GALNTL6: variants seen among roughly 807,000 people sequenced by gnomAD.
GALNTL6 encodes the protein polypeptide N-acetylgalactosaminyltransferase like 6, also known as polypeptide N-acetylgalactosaminyltransferase-like 6.
Under a neutral mutation model 73.7 loss-of-function variants are expected in GALNTL6, and 46 were observed. The observed-to-expected ratio is 0.62, with a 90% CI of 0.49 to 0.80. The LOEUF is 0.80. Among genes scored for constraint, GALNTL6 ranks in the 30% least tolerant of loss-of-function variants. The pLI, the probability that GALNTL6 is intolerant of heterozygous loss-of-function variation, is 0.00. For synonymous variants in GALNTL6, 259 were observed against 263.7 expected, an observed-to-expected ratio of 0.98 and a Z score of 0.17; for missense variants, 604 against 755.0, an observed-to-expected ratio of 0.80 and a Z score of 2.34.
At chr4:171,961,499 A>G (rs1472836312) in intron 2 of GALNTL6, among the ~76,000 whole-genome samples, 2 of 152,216 alleles carry the variant, frequency 1.3e-5, no homozygotes, top group African/African-American at 4.8e-5. Context: ...CCAATTAAAA[A>G]AACCCTACGT....
At chr4:171,958,021 C>T (rs538058442) in intron 2 of GALNTL6, among the ~76,000 whole-genome samples, 1 of 152,068 alleles carries the variant, frequency 6.6e-6, no homozygotes, top group African/African-American at 2.4e-5. Context: ...AGAAAAGCAC[C>T]TTTGTGTAAG....
chr4:172,623,559 A>C (rs1163541414), intron 5 of GALNTL6, among the ~76,000 whole-genome samples: 1 of 152,152 alleles, frequency 6.6e-6, no homozygotes, highest in Non-Finnish European at 1.5e-5. Flanking sequence ...TAAGGTACCT[A>C]CTAAAAAGAA....
chr4:172,072,778 C>T (rs969168267), intron 2 of GALNTL6, among the ~76,000 whole-genome samples: 1 of 152,174 alleles, frequency 6.6e-6, no homozygotes, highest in Admixed American at 6.5e-5. Context: ...TTAGCCCAAG[C>T]CTGCATAATT....
chr4:172,938,991 A>T (rs1473778591), intron 9 of GALNTL6, among the ~76,000 whole-genome samples: 1 of 152,204 alleles, frequency 6.6e-6, no homozygotes, highest in Non-Finnish European at 1.5e-5. Context: ...TTCTCTCCTG[A>T]CTTGGTCACA....
In GALNTL6 at chr4:172,840,689, A is replaced by G. The variant is rs73871879; in HGVS notation, c.923+26966A>G. Reference sequence around the variant, plus strand: ...TATACAGAAATGCCAATGACACACAATATATAGATGTTTGAAATGGCACAA... The same window carrying G: ...TATACAGAAATGCCAATGACACACAGTATATAGATGTTTGAAATGGCACAA... On this transcript the variant is annotated intron_variant, in intron 7 of 12. Transcript: ENST00000506823. Among the ~76,000 whole-genome samples, 759 of 152,304 alleles carry G rather than the reference A, an allele frequency of 5.0e-3. 8 individuals are homozygous for G. Among genetic ancestry groups the G allele is most frequent in the African/African-American group, 0.018 (732 of 41,564 alleles).
In GALNTL6 at chr4:172,690,654, CAT is replaced by C. The variant is rs1205258176; in HGVS notation, c.554-118706_554-118705del. ...ACATCACATTATAGTGGATTACTCT[CAT>C]GTACTTCCTTAGACGGAAAAGTGAC... On this transcript the variant is annotated intron_variant, in intron 5 of 12. Coordinates refer to ENST00000506823, the MANE Select transcript of GALNTL6 (RefSeq NM_001034845.3). 3.3e-5 allele frequency among the ~76,000 whole-genome samples: 5 copies of C among 152,288 alleles called. No homozygotes were observed. The East Asian group carries it at 9.6e-4, about 29-fold the overall frequency.
At chr4:172,350,253 A>G (rs1241994506) in intron 5 of GALNTL6, among the ~76,000 whole-genome samples, 14 of 152,206 alleles carry the variant, frequency 9.2e-5, no homozygotes, top group Non-Finnish European at 7.3e-5. Flanking sequence ...CTGGTGGGTA[A>G]TAGAGTGAGA....
chr4:172,432,391 T>C (rs1237690272), intron 5 of GALNTL6, among the ~76,000 whole-genome samples: 1 of 151,894 alleles, frequency 6.6e-6, no homozygotes, highest in East Asian at 1.9e-4. Flanking sequence ...ACTGAAGTTT[T>C]GCAACTGAAA....
chr4:172,365,050 T>A (rs991585543), intron 5 of GALNTL6, among the ~76,000 whole-genome samples: 1 of 152,128 alleles, frequency 6.6e-6, no homozygotes, highest in Non-Finnish European at 1.5e-5. Flanking sequence ...AGGAAAAACA[T>A]GAAAAATGAC....
intron 2 of GALNTL6, among the ~76,000 whole-genome samples, chr4:171,917,227 C>G (rs1737656984): frequency 6.6e-6 from 1 of 151,840 alleles, no homozygotes; most frequent in Admixed American, 6.6e-5. Context: ...TTATTCCAGA[C>G]ATATCTATTG....
intron 5 of GALNTL6, among the ~76,000 whole-genome samples, chr4:172,714,941 G>A (rs1249823459): frequency 6.6e-6 from 1 of 151,832 alleles, no homozygotes; most frequent in Non-Finnish European, 1.5e-5. Context: ...TGAGATTTCT[G>A]ATTCTCCATA....
At chr4:172,705,754 G>T (rs1734312891) in intron 5 of GALNTL6, among the ~76,000 whole-genome samples, 1 of 151,946 alleles carries the variant, frequency 6.6e-6, no homozygotes, top group African/African-American at 2.4e-5. Flanking sequence ...CACAATTCTT[G>T]GTTGACAGTT....
chr4:172,162,663 G>T (rs56200377), intron 2 of GALNTL6, among the ~76,000 whole-genome samples: 64,351 of 151,708 alleles, frequency 0.42, 14,467 homozygotes, highest in African/African-American at 0.57. Context: ...AGATCTTGTG[G>T]CTATAGATAA....
At chr4:171,862,756 A>G (rs955681166) in intron 2 of GALNTL6, among the ~76,000 whole-genome samples, 1 of 152,110 alleles carries the variant, frequency 6.6e-6, no homozygotes, top group Non-Finnish European at 1.5e-5. Flanking sequence ...TGCTTAAATT[A>G]TATTTTGTTA....
chr4:172,131,971 T>C (rs1356244705), intron 2 of GALNTL6, among the ~76,000 whole-genome samples: 2 of 152,084 alleles, frequency 1.3e-5, no homozygotes, highest in Non-Finnish European at 2.9e-5. Context: ...TCTTATAAAA[T>C]AGTATATATT....
chr4:172,391,818 T>C (rs961110794), intron 5 of GALNTL6, among the ~76,000 whole-genome samples: 1 of 152,172 alleles, frequency 6.6e-6, no homozygotes, highest in African/African-American at 2.4e-5. Flanking sequence ...TCAGGCCTAT[T>C]ACTAGACAGA....
chr4:171,998,022 A>G (rs551625403), intron 2 of GALNTL6, among the ~76,000 whole-genome samples: 75 of 152,146 alleles, frequency 4.9e-4, no homozygotes, highest in Non-Finnish European at 7.5e-4. Context: ...GGCTGGCCAC[A>G]TCTTACTGTA....
intron 9 of GALNTL6, 108 bp downstream of exon 9, chr4:172,931,376 G>C (rs1003684106): frequency 4.1e-6 from 3 of 728,618 alleles, no homozygotes; most frequent in East Asian, 2.5e-5. Context: ...AGTGTACAGA[G>C]AGCTCCTGTG....
intron 5 of GALNTL6, among the ~76,000 whole-genome samples, chr4:172,469,793 T>TA (rs1248856352): frequency 2.6e-5 from 4 of 152,214 alleles, no homozygotes; most frequent in Non-Finnish European, 5.9e-5. Flanking sequence ...TTTATTTATT[T>TA]AAAAAATAAT....
Sources: gnomAD v4.1 joint callset for allele counts (sites outside exome capture counted in the v4.1 genomes callset) on GRCh38, gnomAD v4.1.1 for gene constraint, MANE v1.5 for transcripts, NCBI Gene and HGNC (gene_info 2026-07-23, HGNC 2026-07-21) for gene names.